The following NUDCD3 variants were observed in gnomAD, a reference collection of about 807,000 sequenced individuals.
NUDCD3 encodes the protein NudC domain containing 3.
NUDCD3 carries 13 observed loss-of-function variants against 39.7 expected under a neutral mutation model. The observed-to-expected ratio is 0.33, with a 90% CI of 0.21 to 0.52. NUDCD3 has a LOEUF of 0.52. NUDCD3 is among the 20% of genes least tolerant of loss of function. NUDCD3 has a pLI of 0.96. For synonymous variants in NUDCD3, 175 were observed against 172.4 expected (o/e 1.02, Z -0.12); for missense variants, 453 against 458.1 (o/e 0.99, Z 0.10).
intron 2 of NUDCD3, among the ~76,000 whole-genome samples, chr7:44,463,303 G>A (rs977266577): frequency 5.3e-5 from 8 of 152,264 alleles, no homozygotes; most frequent in Admixed American, 2.6e-4. Context: ...CAGAGAGAAG[G>A]AGAGTTGGAC....
chr7:44,436,921 A>C (rs867386910), intron 2 of NUDCD3, among the ~76,000 whole-genome samples: 9 of 152,116 alleles, frequency 5.9e-5, no homozygotes, highest in South Asian at 2.1e-4. Flanking sequence ...CAAACGCACC[A>C]ATCTTTATTC....
At chr7:44,420,143 A>G (rs1215731413) in intron 3 of NUDCD3, among the ~76,000 whole-genome samples, 1 of 152,122 alleles carries the variant, frequency 6.6e-6, no homozygotes, top group African/African-American at 2.4e-5. Flanking sequence ...ACCAGTTTAG[A>G]GAAGAACACA....
At chr7:44,415,802 G>A (rs947972252) in intron 3 of NUDCD3, among the ~76,000 whole-genome samples, 2 of 152,204 alleles carry the variant, frequency 1.3e-5, no homozygotes. Context: ...AACAGATTCT[G>A]ATTTTATCAG....
In NUDCD3 at chr7:44,392,363, CG is replaced by C. The variant is rs1563163376; in HGVS notation, c.908del (p.Ala303GlyfsTer23). Reference protein sequence around the residue: ...SMATVDEEEQAVLDRLTFDYH... With the variant: ...SMATVDEEEQXVLDRLTFDYH... ...AGTCAAAGGTAAGCCTGTCCAACAC[CG>C]CCTGTTCCTCCTCATCCACGGTGGC... On this transcript the variant is annotated frameshift_variant, in exon 5 of 6. Transcript: ENST00000355451. LOFTEE classifies it high-confidence loss of function. 3 of 1,614,182 alleles carry C rather than the reference CG, an allele frequency of 1.9e-6. No individual in the cohort carries two copies. The highest frequency in any genetic ancestry group is 2.5e-6 in the Non-Finnish European group (3 of 1,180,026).
chr7:44,462,989 G>GTGTA (rs1491467980), intron 2 of NUDCD3, among the ~76,000 whole-genome samples: 10 of 123,664 alleles, frequency 8.1e-5, no homozygotes, highest in African/African-American at 1.7e-4. Context: ...GTGTGTGTGT[G>GTGTA]TATACACAAA....
At chr7:44,417,078 G>A (rs1799040611) in intron 3 of NUDCD3, among the ~76,000 whole-genome samples, 3 of 152,126 alleles carry the variant, frequency 2.0e-5, no homozygotes, top group Non-Finnish European at 4.4e-5. Flanking sequence ...GTACCCCACT[G>A]GGATATAAGC....
chr7:44,392,475 C>G lies in NUDCD3; in HGVS notation c.797G>C (p.Ser266Thr), dbSNP rs1338285106. The change falls in exon 5 of 6, where the codon AGC (serine) becomes ACC (threonine). Residue 266 changes from serine (S) to threonine (T), a missense_variant. Ser to Thr is a moderately conservative substitution (Grantham distance 58). Coordinates refer to ENST00000355451, the MANE Select transcript of NUDCD3 (RefSeq NM_015332.4). ...GTTCCACCAATACTCGCCCACCTTG[C>G]TCAGGTTCACCTGGGGACAAGCAGG... ...EPGKCVLVNL[S>T]KVGEYWWNAI... 6.2e-7 allele frequency: 1 copy of G among 1,613,806 alleles called. No homozygotes were observed. Among genetic ancestry groups the G allele is most frequent in the Non-Finnish European group, 8.5e-7 (1 of 1,179,878 alleles).
Position 44,478,231 on chromosome 7 carries a change from C to G in NUDCD3, c.509+6737G>C, listed in dbSNP as rs117679175. Among the ~76,000 whole-genome samples, 72 of 152,314 alleles carry G rather than the reference C, an allele frequency of 4.7e-4. No individual in the cohort carries two copies. In the East Asian group the frequency reaches 0.013, roughly 28 times the overall value. Reference sequence around the variant, plus strand: ...AGGGAAATATCTGTGTGCAAATTCTCTCTCTTCTCTGAGGAATAAGATGGG... The same window carrying G: ...AGGGAAATATCTGTGTGCAAATTCTGTCTCTTCTCTGAGGAATAAGATGGG... On this transcript the variant is annotated intron_variant, in intron 2 of 5. Transcript: ENST00000355451.
chr7:44,437,092 C>T (rs561062639), intron 2 of NUDCD3, among the ~76,000 whole-genome samples: 62 of 120,650 alleles, frequency 5.1e-4, no homozygotes, highest in Admixed American at 1.1e-3. Context: ...TTTTTTGAGA[C>T]GGAGACTTGC....
At chr7:44,436,561 A>C (rs1799467585) in intron 2 of NUDCD3, among the ~76,000 whole-genome samples, 1 of 152,194 alleles carries the variant, frequency 6.6e-6, no homozygotes, top group Non-Finnish European at 1.5e-5. Context: ...GTCATGCTAC[A>C]GAACTACAGG....
chr7:44,447,926 G>A (rs1194499307), intron 2 of NUDCD3, among the ~76,000 whole-genome samples: 2 of 152,138 alleles, frequency 1.3e-5, no homozygotes, highest in Non-Finnish European at 2.9e-5. Flanking sequence ...GTCATCTCTG[G>A]GAAATGGAGG....
chr7:44,426,797 A>G (rs1799245288), intron 3 of NUDCD3, among the ~76,000 whole-genome samples: 1 of 145,672 alleles, frequency 6.9e-6, no homozygotes, highest in Non-Finnish European at 1.5e-5. Context: ...CTCCGTCTCA[A>G]AAAAAAAAAA....
At chr7:44,458,969 T>C (rs1563183452) in intron 2 of NUDCD3, among the ~76,000 whole-genome samples, 1 of 149,708 alleles carries the variant, frequency 6.7e-6, no homozygotes, top group East Asian at 2.0e-4. Context: ...TGTGTGTGTG[T>C]GTGTGTGTGT....
intron 4 of NUDCD3, among the ~76,000 whole-genome samples, chr7:44,401,437 G>A (rs190664453): frequency 3.3e-5 from 5 of 152,332 alleles, no homozygotes; most frequent in African/African-American, 1.2e-4. Flanking sequence ...TACTGCAGTA[G>A]AGGCTACGTG....
At position 44,485,002 on chromosome 7, in the gene NUDCD3, C is replaced by G. The variant is rs753799747; in HGVS notation, c.475G>C (p.Ala159Pro). ...AEAPGAVAGAAEVPREPPILP... is the reference protein window; with the variant it reads ...AEAPGAVAGAPEVPREPPILP... The stretch of plus-strand genomic sequence containing the variant: ...ATTGGTGGTTCCCTAGGGACTTCAG[C>G]AGCACCAGCAACTGCTCCTGGAGCT... The change falls in exon 2 of 6, where the codon GCT (alanine) becomes CCT (proline). Residue 159 changes from alanine to proline, a missense_variant. By Grantham distance (27) the Ala-to-Pro change is conservative. Transcript: ENST00000355451. 7 of 1,613,756 alleles carry G rather than the reference C, an allele frequency of 4.3e-6. No homozygotes were observed. Among genetic ancestry groups the G allele is most frequent in the South Asian group, 1.1e-5 (1 of 91,044 alleles).
At chr7:44,447,973 C>A (rs955116180) in intron 2 of NUDCD3, among the ~76,000 whole-genome samples, 1 of 152,146 alleles carries the variant, frequency 6.6e-6, no homozygotes, top group African/African-American at 2.4e-5. Context: ...TAGTCACATA[C>A]CCTAAGTGGC....
At chr7:44,462,489 T>C (rs1203354091) in intron 2 of NUDCD3, among the ~76,000 whole-genome samples, 1 of 152,190 alleles carries the variant, frequency 6.6e-6, no homozygotes, top group African/African-American at 2.4e-5. Context: ...CACTGACCAA[T>C]ATTATTAGCT....
chr7:44,416,337 C>A (rs1563170222), intron 3 of NUDCD3, among the ~76,000 whole-genome samples: 1 of 152,084 alleles, frequency 6.6e-6, no homozygotes, highest in Non-Finnish European at 1.5e-5. Context: ...AATCTGCCCA[C>A]CTCAGCCTCC....
rs544463151 is a variant in NUDCD3 at position 44,483,652 on chromosome 7, T to A, written c.509+1316A>T. ...GAACTCCATTAGTTAGCCTGGACTT[T>A]AAGACTCTGCAATCTTGCCCCTCCT... On this transcript the variant is annotated intron_variant, in intron 2 of 5. Transcript: ENST00000355451. Among the ~76,000 whole-genome samples the A allele has an allele frequency of 6.6e-5, 10 of 152,358 alleles. No homozygotes were observed. The South Asian group carries it at 2.1e-3, about 32-fold the overall frequency.
Sources: gnomAD v4.1 joint callset for allele counts (sites outside exome capture counted in the v4.1 genomes callset) on GRCh38, gnomAD v4.1.1 for gene constraint, MANE v1.5 for transcripts, NCBI Gene and HGNC (gene_info 2026-07-23, HGNC 2026-07-21) for gene names.